The following RNF182 variants were observed in gnomAD, a reference collection of about 807,000 sequenced individuals.
The protein encoded by RNF182 is E3 ubiquitin-protein ligase RNF182.
Under a neutral mutation model 14.4 loss-of-function variants are expected in RNF182, and 15 were observed. That is an observed-to-expected ratio of 1.04 (90% CI 0.70 to 1.60). The LOEUF (loss-of-function observed/expected upper bound fraction) is 1.60. RNF182 is among the 40% of genes most tolerant of loss of function. The pLI is 0.00. For missense variants in RNF182, 268 were observed against 294.8 expected (o/e 0.91, Z 0.67); for synonymous variants, 128 against 122.9 (o/e 1.04, Z -0.27).
rs748006682 is a variant in RNF182 at position 13,977,343 on chromosome 6, A to G, written c.224A>G (p.Asp75Gly). The change falls in exon 3 of 3, where the codon GAT becomes GGT. Residue 75 changes from aspartate to glycine, a missense_variant. By Grantham distance (94) the Asp-to-Gly change is moderately conservative (BLOSUM62 -1). Coordinates refer to ENST00000488300, the MANE Select transcript of RNF182 (RefSeq NM_152737.4). ...PFCRFETCLP[D>G]DEVSSLPDDN... ...TGCAGGTTTGAGACGTGCCTGCCAG[A>G]TGATGAAGTTAGTAGCCTGCCCGAT... 2.5e-6 allele frequency: 4 copies of G among 1,614,204 alleles called. No homozygotes were observed. The highest frequency in any genetic ancestry group is 2.2e-5 in the East Asian group (1 of 44,886).
At chr6:13,964,451 T>A (rs1177005558) in intron 1 of RNF182, among the ~76,000 whole-genome samples, 7 of 152,152 alleles carry the variant, frequency 4.6e-5, no homozygotes, top group Admixed American at 4.6e-4. Flanking sequence ...AGGTAAATAT[T>A]TGGGAAAAAC....
intron 1 of RNF182, among the ~76,000 whole-genome samples, chr6:13,936,074 C>T (rs995096322): frequency 2.6e-5 from 4 of 152,182 alleles, no homozygotes; most frequent in South Asian, 2.1e-4. Context: ...AGAGGTGGCA[C>T]ACACTTTCAA....
intron 1 of RNF182, among the ~76,000 whole-genome samples, chr6:13,967,742 T>C (rs1760071310): frequency 6.6e-6 from 1 of 152,178 alleles, no homozygotes; most frequent in South Asian, 2.1e-4. Context: ...ATTAATTTTT[T>C]TTTAAAAAAT....
At chr6:13,970,194 G>C (rs188609948) in intron 1 of RNF182, among the ~76,000 whole-genome samples, 41 of 152,026 alleles carry the variant, frequency 2.7e-4, no homozygotes, top group Non-Finnish European at 5.3e-4. Flanking sequence ...ACACATTATT[G>C]TTGCTAAGTA....
rs558426523 is a variant in RNF182 at position 13,968,033 on chromosome 6, A to G, written c.-366-6177A>G. Among the ~76,000 whole-genome samples, 82 of 152,192 alleles carry G rather than the reference A, an allele frequency of 5.4e-4. No individual in the cohort carries two copies. In the East Asian group the frequency reaches 0.015, roughly 29 times the overall value. ...GTATTTAAGCATAAAGACAAAGTGTACTCTTAGTATGAATTGGGAAAAAAA... is the reference window on the plus strand; with the variant it reads ...GTATTTAAGCATAAAGACAAAGTGTGCTCTTAGTATGAATTGGGAAAAAAA... On this transcript the variant is annotated intron_variant, in intron 1 of 2. Coordinates refer to ENST00000488300, the MANE Select transcript of RNF182 (RefSeq NM_152737.4).
chr6:13,942,335 T>G (rs1237769966), intron 1 of RNF182, among the ~76,000 whole-genome samples: 1 of 152,146 alleles, frequency 6.6e-6, no homozygotes, highest in Admixed American at 6.5e-5. Context: ...TTTAGAATAT[T>G]CTTTAATTAA....
intron 2 of RNF182, 127 bp downstream of exon 2, chr6:13,974,491 C>G (rs1248802301): frequency 6.6e-6 from 1 of 152,142 alleles, no homozygotes; most frequent in Non-Finnish European, 1.5e-5. Context: ...TTAACATACT[C>G]AGTAATCTGA....
chr6:13,940,157 C>A (rs1277827286), intron 1 of RNF182, among the ~76,000 whole-genome samples: 2 of 152,002 alleles, frequency 1.3e-5, no homozygotes, highest in African/African-American at 4.8e-5. Flanking sequence ...GTTGTTGAAA[C>A]CTTTTTATCG....
At chr6:13,967,215 G>A (rs75133410) in intron 1 of RNF182, among the ~76,000 whole-genome samples, 1 of 152,120 alleles carries the variant, frequency 6.6e-6, no homozygotes, top group East Asian at 1.9e-4. Flanking sequence ...AGGCAAATGC[G>A]GAGTCAATAG....
intron 1 of RNF182, among the ~76,000 whole-genome samples, chr6:13,929,338 T>A (rs1374990488): frequency 1.3e-5 from 2 of 152,200 alleles, no homozygotes; most frequent in Non-Finnish European, 2.9e-5. Context: ...ATAGCTATAG[T>A]CATTCAAGGC....
At chr6:13,972,823 C>T (rs953498827) in intron 1 of RNF182, among the ~76,000 whole-genome samples, 2 of 152,180 alleles carry the variant, frequency 1.3e-5, no homozygotes, top group Admixed American at 6.5e-5. Context: ...TGGAGAACTT[C>T]TGCTAGGGCA....
At chr6:13,941,118 AC>A (rs1345371276) in intron 1 of RNF182, among the ~76,000 whole-genome samples, 1 of 152,098 alleles carries the variant, frequency 6.6e-6, no homozygotes. Flanking sequence ...GTTTCTATCT[AC>A]AATTTTTCAG....
intron 1 of RNF182, among the ~76,000 whole-genome samples, chr6:13,943,142 A>G (rs1000267218): frequency 6.6e-6 from 1 of 152,248 alleles, no homozygotes; most frequent in African/African-American, 2.4e-5. Context: ...AGTAGTTTCT[A>G]AATTATAAAG....
At chr6:13,951,075 G>A (rs558412069) in intron 1 of RNF182, among the ~76,000 whole-genome samples, 61 of 152,326 alleles carry the variant, frequency 4.0e-4, no homozygotes, top group East Asian at 9.6e-4. Context: ...GAGATTACAG[G>A]TGTGAGCCAT....
intron 1 of RNF182, among the ~76,000 whole-genome samples, chr6:13,953,538 G>A (rs956973214): frequency 1.3e-5 from 2 of 152,138 alleles, no homozygotes; most frequent in Non-Finnish European, 2.9e-5. Context: ...AGAGTCCAGT[G>A]TTTTATATTC....
intron 1 of RNF182, among the ~76,000 whole-genome samples, chr6:13,936,619 C>T (rs1362472155): frequency 6.6e-6 from 1 of 152,178 alleles, no homozygotes; most frequent in Non-Finnish European, 1.5e-5. Flanking sequence ...TCAGGTATAG[C>T]CCTACCCTCC....
At chr6:13,939,539 T>C (rs1055436206) in intron 1 of RNF182, among the ~76,000 whole-genome samples, 3 of 151,860 alleles carry the variant, frequency 2.0e-5, no homozygotes, top group Admixed American at 6.6e-5. Flanking sequence ...GTATTTATTT[T>C]TATTTTTTTA....
intron 1 of RNF182, among the ~76,000 whole-genome samples, chr6:13,966,623 C>T (rs1448232177): frequency 1.3e-5 from 2 of 151,818 alleles, no homozygotes; most frequent in African/African-American, 2.4e-5. Flanking sequence ...ATTAGCTAAG[C>T]GTGGTGGCGC....
At chr6:13,970,376 T>A (rs1056656307) in intron 1 of RNF182, among the ~76,000 whole-genome samples, 1 of 152,228 alleles carries the variant, frequency 6.6e-6, no homozygotes, top group Non-Finnish European at 1.5e-5. Flanking sequence ...TGTGCCTGGC[T>A]TATTGCACTT....
Sources: gnomAD v4.1 joint callset for allele counts (sites outside exome capture counted in the v4.1 genomes callset) on GRCh38, gnomAD v4.1.1 for gene constraint, MANE v1.5 for transcripts, NCBI Gene and HGNC (gene_info 2026-07-23, HGNC 2026-07-21) for gene names.